KCNH8: variants seen among roughly 807,000 people sequenced by gnomAD.
KCNH8 encodes voltage-gated delayed rectifier potassium channel KCNH8.
Under a neutral mutation model 103.6 loss-of-function variants are expected in KCNH8, and 70 were observed. The ratio of observed to expected loss-of-function variants is 0.68; its 90% CI spans 0.56 to 0.82. KCNH8 has a LOEUF of 0.82. Ranked by LOEUF, KCNH8 falls within the 40% of genes least tolerant of loss-of-function variation. The probability of loss-of-function intolerance (pLI) is 0.00; values close to 1 mark genes in which losing one functional copy is unlikely to be tolerated. For missense variants in KCNH8, 1,217 were observed against 1,329.9 expected (o/e 0.92, Z 1.32); for synonymous variants, 498 against 489.4 (o/e 1.02, Z -0.23).
intron 11 of KCNH8, among the ~76,000 whole-genome samples, chr3:19,461,976 C>A (rs954839000): frequency 2.6e-5 from 4 of 152,078 alleles, no homozygotes; most frequent in Non-Finnish European, 5.9e-5. Flanking sequence ...TTAACTCATC[C>A]TTTTTTATGG....
chr3:19,266,375 C>A (rs2064510877), intron 2 of KCNH8, among the ~76,000 whole-genome samples: 1 of 152,058 alleles, frequency 6.6e-6, no homozygotes, highest in Non-Finnish European at 1.5e-5. Context: ...ACTCGGTGTT[C>A]CCCCTGCCAG....
At chr3:19,504,693 A>G (rs2068657002) in intron 11 of KCNH8, among the ~76,000 whole-genome samples, 1 of 152,102 alleles carries the variant, frequency 6.6e-6, no homozygotes, top group Non-Finnish European at 1.5e-5. Flanking sequence ...TGCTGGAAAG[A>G]TTGCAGAGAA....
intron 11 of KCNH8, among the ~76,000 whole-genome samples, chr3:19,461,871 G>T (rs1332276233): frequency 6.6e-6 from 1 of 152,090 alleles, no homozygotes; most frequent in East Asian, 1.9e-4. Flanking sequence ...CTGTGTCCAA[G>T]TGTTCTCATT....
At chr3:19,252,956 G>C (rs778327932) in intron 1 of KCNH8, among the ~76,000 whole-genome samples, 12 of 152,106 alleles carry the variant, frequency 7.9e-5, no homozygotes, top group Non-Finnish European at 1.0e-4. Flanking sequence ...GCTTAAGTGG[G>C]TAGGTCAGAA....
At chr3:19,472,735 G>A (rs2067889084) in intron 11 of KCNH8, among the ~76,000 whole-genome samples, 1 of 152,164 alleles carries the variant, frequency 6.6e-6, no homozygotes, top group African/African-American at 2.4e-5. Flanking sequence ...TAATATAAGT[G>A]AATTACATAC....
intron 11 of KCNH8, among the ~76,000 whole-genome samples, chr3:19,502,688 A>G (rs988849185): frequency 1.3e-4 from 19 of 150,610 alleles, no homozygotes; most frequent in African/African-American, 4.4e-4. Flanking sequence ...AGGATTCCCT[A>G]TTTAATAAAT....
chr3:19,360,867 T>C (rs1414043520), intron 5 of KCNH8, among the ~76,000 whole-genome samples: 2 of 152,014 alleles, frequency 1.3e-5, no homozygotes, highest in South Asian at 2.1e-4. Context: ...AATAATTCCA[T>C]TGAGGAAGTA....
chr3:19,326,945 T>A (rs918538619), intron 3 of KCNH8, among the ~76,000 whole-genome samples: 10 of 152,218 alleles, frequency 6.6e-5, no homozygotes, highest in Middle Eastern at 3.2e-3. Context: ...AAGGACTTCA[T>A]TGATATATCT....
intron 1 of KCNH8, among the ~76,000 whole-genome samples, chr3:19,210,005 CA>C (rs2063754524): frequency 1.3e-5 from 2 of 152,046 alleles, no homozygotes; most frequent in Non-Finnish European, 2.9e-5. Flanking sequence ...TTCCCTTTGC[CA>C]AAAGTCACTG....
chr3:19,529,984 C>G (rs1407491088), intron 15 of KCNH8, among the ~76,000 whole-genome samples: 1 of 152,146 alleles, frequency 6.6e-6, no homozygotes, highest in African/African-American at 2.4e-5. Flanking sequence ...GTTCCTGGAT[C>G]CTGTCAAGAC....
chr3:19,484,954 A>G (rs1361737728), intron 11 of KCNH8, among the ~76,000 whole-genome samples: 1 of 152,042 alleles, frequency 6.6e-6, no homozygotes, highest in Non-Finnish European at 1.5e-5. Flanking sequence ...GAAGGAGTGC[A>G]TTTAATTTTA....
chr3:19,368,535 A>G (rs2066043564), intron 5 of KCNH8, among the ~76,000 whole-genome samples: 1 of 152,008 alleles, frequency 6.6e-6, no homozygotes, highest in South Asian at 2.1e-4. Context: ...ACCCATTCAT[A>G]ATTATACCTA....
At chr3:19,219,341 G>A (rs2063848670) in intron 1 of KCNH8, among the ~76,000 whole-genome samples, 11 of 151,902 alleles carry the variant, frequency 7.2e-5, no homozygotes, top group Admixed American at 7.2e-4. Context: ...TTTTTCCATA[G>A]TATTTATCAC....
intron 7 of KCNH8, among the ~76,000 whole-genome samples, chr3:19,397,953 T>A (rs1575015622): frequency 2.0e-5 from 3 of 151,958 alleles, no homozygotes; most frequent in African/African-American, 7.2e-5. Flanking sequence ...GCTACTTTAA[T>A]TTTTACCCTG....
At chr3:19,464,905 A>G (rs375775060) in intron 11 of KCNH8, among the ~76,000 whole-genome samples, 151 of 152,328 alleles carry the variant, frequency 9.9e-4, no homozygotes, top group African/African-American at 3.4e-3. Flanking sequence ...TTAATAAATT[A>G]TAGTGAGAAT....
At chr3:19,492,374 G>T (rs1377570218) in intron 11 of KCNH8, among the ~76,000 whole-genome samples, 1 of 152,152 alleles carries the variant, frequency 6.6e-6, no homozygotes, top group Non-Finnish European at 1.5e-5. Flanking sequence ...TAGGAGTCTA[G>T]TTTCATTCTT....
At chr3:19,201,401 A>G (rs2063661730) in intron 1 of KCNH8, among the ~76,000 whole-genome samples, 1 of 152,046 alleles carries the variant, frequency 6.6e-6, no homozygotes, top group Non-Finnish European at 1.5e-5. Context: ...AAATGTTTTT[A>G]AAAGGTCAAT....
intron 5 of KCNH8, among the ~76,000 whole-genome samples, chr3:19,372,646 A>G (rs533098037): frequency 1.3e-5 from 2 of 152,108 alleles, no homozygotes; most frequent in Non-Finnish European, 2.9e-5. Context: ...TTCCAACACT[A>G]TGTTGAATAG....
intron 11 of KCNH8, among the ~76,000 whole-genome samples, chr3:19,466,649 A>ATTTTTTT (rs869048680): frequency 3.9e-5 from 2 of 50,642 alleles, no homozygotes; most frequent in Admixed American, 3.1e-4. Context: ...GTAGCAATAC[A>ATTTTTTT]TTTTTTTTTT....
Sources: gnomAD v4.1 joint callset for allele counts (sites outside exome capture counted in the v4.1 genomes callset) on GRCh38, gnomAD v4.1.1 for gene constraint, MANE v1.5 for transcripts, NCBI Gene and HGNC (gene_info 2026-07-23, HGNC 2026-07-21) for gene names.